MEGF10: variants seen among roughly 807,000 people sequenced by gnomAD.
MEGF10 encodes the protein multiple epidermal growth factor-like domains protein 10.
Under a neutral mutation model 147.5 loss-of-function variants are expected in MEGF10, and 86 were observed. The observed-to-expected ratio is 0.58, with a 90% confidence interval of 0.49 to 0.70. The LOEUF is 0.70. Ranked by LOEUF, MEGF10 falls within the 30% of genes least tolerant of loss-of-function variation. The pLI is 0.00. For synonymous variants in MEGF10, 478 were observed against 525.5 expected, an observed-to-expected ratio of 0.91 and a Z score of 1.24; for missense variants, 1,329 against 1,487.3, an observed-to-expected ratio of 0.89 and a Z score of 1.75.
At chr5:127,279,427 C>G in the MEGF10 span, among the ~76,000 whole-genome samples, 1 of 152,096 alleles carries the variant, frequency 6.6e-6, no homozygotes, top group African/African-American at 2.4e-5. Flanking sequence ...AAAGGAGATC[C>G]TGGAACTGAG....
intron 10 of MEGF10, 149 bp downstream of exon 10, chr5:127,417,961 G>C (rs936272147): frequency 2.5e-5 from 20 of 810,468 alleles, no homozygotes; most frequent in Admixed American, 1.7e-4. Flanking sequence ...GGGGAAAAAT[G>C]CTAATAGAGA....
At chr5:127,405,085 T>G (rs1764274305) in intron 8 of MEGF10, among the ~76,000 whole-genome samples, 1 of 150,766 alleles carries the variant, frequency 6.6e-6, no homozygotes, top group Non-Finnish European at 1.5e-5. Flanking sequence ...TGTTAAAACA[T>G]TTAAAACAGC....
At chr5:127,377,067 A>C (rs1163079672) in intron 5 of MEGF10, among the ~76,000 whole-genome samples, 1 of 152,204 alleles carries the variant, frequency 6.6e-6, no homozygotes, top group Non-Finnish European at 1.5e-5. Context: ...ATGAATTCAT[A>C]ATGGCACCCA....
intron 12 of MEGF10, among the ~76,000 whole-genome samples, chr5:127,420,733 G>C (rs961973869): frequency 9.2e-5 from 14 of 152,068 alleles, no homozygotes; most frequent in Admixed American, 3.9e-4. Flanking sequence ...CTATTCCCTT[G>C]ACCTACTTTG....
chr5:127,391,100 GCGCACACACACACACA>G (rs1359958311), intron 5 of MEGF10, among the ~76,000 whole-genome samples: 7 of 40,068 alleles, frequency 1.7e-4, no homozygotes, highest in African/African-American at 2.7e-4. Context: ...GCGCGCGCGC[GCGCACACACACACACA>G]CACACACACA....
At chr5:127,444,473 A>G (rs1765867803) in intron 19 of MEGF10, 1 of 152,240 alleles carries the variant, frequency 6.6e-6, no homozygotes, top group African/African-American at 2.4e-5. Context: ...ATTTAGAATC[A>G]TAAAATCATA....
the MEGF10 span, among the ~76,000 whole-genome samples, chr5:127,271,587 G>A: frequency 6.6e-6 from 1 of 152,030 alleles, no homozygotes; most frequent in African/African-American, 2.4e-5. Context: ...TAATCCCCAT[G>A]TGTCATGGGA....
At chr5:127,283,647 G>T in the MEGF10 span, among the ~76,000 whole-genome samples, 14 of 152,154 alleles carry the variant, frequency 9.2e-5, no homozygotes, top group Non-Finnish European at 1.6e-4. Flanking sequence ...AAGCATCCAC[G>T]TAGGAGTTTG....
chr5:127,402,528 A>G lies in MEGF10; in HGVS notation c.781-18A>G. 6.2e-7 allele frequency: 1 copy of G among 1,606,690 alleles called. No individual in the cohort carries two copies. Among genetic ancestry groups the G allele is most frequent in the East Asian group, 2.2e-5 (1 of 44,634 alleles). Reference sequence around the variant, plus strand: ...TGGCTGGAGGCCCATCTAATTTTCCAAGTCTCTTTGAATGCAGGGCACAGT... The same window carrying G: ...TGGCTGGAGGCCCATCTAATTTTCCGAGTCTCTTTGAATGCAGGGCACAGT... On this transcript the variant is annotated intron_variant, in intron 7 of 24. Coordinates refer to ENST00000503335, the MANE Select transcript of MEGF10 (RefSeq NM_001256545.2).
the MEGF10 span, among the ~76,000 whole-genome samples, chr5:127,274,183 G>A: frequency 6.6e-6 from 1 of 151,860 alleles, no homozygotes; most frequent in Non-Finnish European, 1.5e-5. Flanking sequence ...ATAAAAGTCA[G>A]TATCATGGGG....
At chr5:127,237,460 C>G in the MEGF10 span, among the ~76,000 whole-genome samples, 1 of 152,014 alleles carries the variant, frequency 6.6e-6, no homozygotes, top group Admixed American at 6.6e-5. Context: ...CCACTGCACT[C>G]CAGCCTGGGC....
intron 4 of MEGF10, among the ~76,000 whole-genome samples, chr5:127,362,175 T>A (rs573614884): frequency 2.0e-5 from 3 of 152,046 alleles, no homozygotes; most frequent in Non-Finnish European, 2.9e-5. Flanking sequence ...TGTTATTAGA[T>A]GCATAAATGT....
At chr5:127,256,123 A>G in the MEGF10 span, among the ~76,000 whole-genome samples, 1 of 152,210 alleles carries the variant, frequency 6.6e-6, no homozygotes, top group Non-Finnish European at 1.5e-5. Context: ...TGTGCCTGTA[A>G]GTTAAAACTG....
chr5:127,278,575 A>G, the MEGF10 span, among the ~76,000 whole-genome samples: 1 of 152,218 alleles, frequency 6.6e-6, no homozygotes, highest in Non-Finnish European at 1.5e-5. Flanking sequence ...CAGGAAAGAC[A>G]GGGAGAAATC....
chr5:127,322,793 T>C (rs1760839241), intron 1 of MEGF10, among the ~76,000 whole-genome samples: 1 of 152,216 alleles, frequency 6.6e-6, no homozygotes, highest in Non-Finnish European at 1.5e-5. Context: ...GTTAAATTTT[T>C]TGTGTATCAT....
upstream of MEGF10, among the ~76,000 whole-genome samples, chr5:127,287,536 T>C (rs1234984423): frequency 6.6e-6 from 1 of 151,994 alleles, no homozygotes; most frequent in Non-Finnish European, 1.5e-5. Flanking sequence ...AAATTGTGTG[T>C]AATACTGCCA....
At chr5:127,387,201 C>T (rs1325769755) in intron 5 of MEGF10, among the ~76,000 whole-genome samples, 1 of 151,984 alleles carries the variant, frequency 6.6e-6, no homozygotes, top group Non-Finnish European at 1.5e-5. Flanking sequence ...ATTAATGTAC[C>T]CTTATTCCTT....
At chr5:127,339,542 A>T (rs1262042529) in intron 3 of MEGF10, among the ~76,000 whole-genome samples, 2 of 152,176 alleles carry the variant, frequency 1.3e-5, no homozygotes, top group African/African-American at 2.4e-5. Flanking sequence ...ATGTCAAGCA[A>T]TTCATATCTT....
At chr5:127,382,405 A>G (rs1363400829) in intron 5 of MEGF10, among the ~76,000 whole-genome samples, 1 of 152,228 alleles carries the variant, frequency 6.6e-6, no homozygotes, top group Non-Finnish European at 1.5e-5. Flanking sequence ...GCATAAAACT[A>G]GTGGAGGTAG....
Sources: gnomAD v4.1 joint callset for allele counts (sites outside exome capture counted in the v4.1 genomes callset) on GRCh38, gnomAD v4.1.1 for gene constraint, MANE v1.5 for transcripts, NCBI Gene and HGNC (gene_info 2026-07-23, HGNC 2026-07-21) for gene names.